CTDSPL2: variants seen among roughly 807,000 people sequenced by gnomAD.
CTDSPL2 encodes the protein CTD small phosphatase like 2, also known as CTD small phosphatase-like protein 2.
CTDSPL2 carries 5 observed loss-of-function variants against 60.0 expected under a neutral mutation model. The ratio of observed to expected loss-of-function variants is 0.08; its 90% CI spans 0.04 to 0.18. CTDSPL2 has a LOEUF of 0.18. Ranked by LOEUF, CTDSPL2 falls within the 10% of genes least tolerant of loss-of-function variation. The pLI is 1.00. For synonymous variants in CTDSPL2, 186 were observed against 189.3 expected (o/e 0.98, Z 0.14); for missense variants, 370 against 548.8 (o/e 0.67, Z 3.26).
chr15:44,455,839 ATTTTTTTTTT>A (rs35307134), intron 1 of CTDSPL2, among the ~76,000 whole-genome samples: 13 of 47,530 alleles, frequency 2.7e-4, no homozygotes, highest in East Asian at 7.0e-4. Flanking sequence ...TTTATTGAGG[ATTTTTTTTTT>A]TTTTTTTTTT....
chr15:44,451,375 C>G (rs1595709860), intron 1 of CTDSPL2, among the ~76,000 whole-genome samples: 1 of 151,944 alleles, frequency 6.6e-6, no homozygotes. Flanking sequence ...CTCCCAAAGC[C>G]CTGGGATTAC....
chr15:44,514,517 G>T (rs1362052565), intron 8 of CTDSPL2, 81 bp from the exon 9 acceptor site: 1 of 842,022 alleles, frequency 1.2e-6, no homozygotes, highest in Non-Finnish European at 2.0e-6. Flanking sequence ...TATAATCAAA[G>T]TTAGAATACA....
intron 2 of CTDSPL2, among the ~76,000 whole-genome samples, chr15:44,472,620 C>T (rs1277619313): frequency 6.6e-6 from 1 of 151,490 alleles, no homozygotes; most frequent in Non-Finnish European, 1.5e-5. Flanking sequence ...ACCTCAGCCT[C>T]CTGAGGAGCT....
intron 1 of CTDSPL2, chr15:44,448,679 A>G (rs150587731): frequency 7.1e-5 from 23 of 323,088 alleles, no homozygotes; most frequent in Non-Finnish European, 1.3e-4. Context: ...CCTCCATTCT[A>G]ATTTCTGCAG....
chr15:44,487,142 C>T (rs534668602), intron 4 of CTDSPL2, among the ~76,000 whole-genome samples: 1 of 151,754 alleles, frequency 6.6e-6, no homozygotes, highest in Admixed American at 6.6e-5. Context: ...GTATGTTTTC[C>T]ACCTCATTAA....
In CTDSPL2 at chr15:44,528,307, T is replaced by C. The variant is rs2081902509; in HGVS notation, c.*4133T>C. 6.6e-6 allele frequency: 1 copy of C among 151,902 alleles called. No homozygotes were observed. The highest frequency in any genetic ancestry group is 6.6e-5 in the Admixed American group (1 of 15,228). The allele number at this position is 151,902 out of a possible 1,614,324, so 9.4% of individuals were successfully genotyped here. On this transcript the variant is annotated 3_prime_UTR_variant, in exon 13 of 13. Transcript: ENST00000260327. ...GCCTACCCCTGGAAAATTGTCTCGC[T>C]GGATCTCGAGAGGGGCCTGAGAGTT...
rs2081896336 is a variant in CTDSPL2 at position 44,527,656 on chromosome 15, A to G, written c.*3482A>G. On this transcript the variant is annotated 3_prime_UTR_variant, in exon 13 of 13. Transcript: ENST00000260327. The stretch of plus-strand genomic sequence containing the variant: ...CTGACTTCTCTTTGTCTTCCTAGGT[A>G]TTTATTTGTTATCTTTTAATCTTGT... 6.6e-6 allele frequency: 1 copy of G among 151,566 alleles called. No homozygotes were observed. The highest frequency in any genetic ancestry group is 1.5e-5 in the Non-Finnish European group (1 of 67,570). The allele number at this position is 151,566 out of a possible 1,614,324, so 9.4% of individuals were successfully genotyped here.
At position 44,499,735 on chromosome 15, in the gene CTDSPL2, A is replaced by T. The variant is rs148750678; in HGVS notation, c.891A>T (p.Thr297=). ...EFSLVLDLDE[T]LVHCSLNELE... ...CTGTTTTTTATTTTAAGGATGAAAC[A>T]CTAGTGCATTGTAGTCTAAATGAGC... Residue 297 remains threonine, a synonymous_variant, in exon 8 of 13, where the codon ACA becomes ACT. Transcript: ENST00000260327. 6 of 1,578,598 alleles carry T rather than the reference A, an allele frequency of 3.8e-6. No individual in the cohort carries two copies. In the African/African-American group the frequency reaches 8.1e-5, roughly 21 times the overall value.
At chr15:44,465,567 T>C (rs2080668737) in intron 2 of CTDSPL2, among the ~76,000 whole-genome samples, 1 of 152,166 alleles carries the variant, frequency 6.6e-6, no homozygotes, top group South Asian at 2.1e-4. Context: ...TAAAGGTGAT[T>C]GTATTAATTT....
intron 10 of CTDSPL2, among the ~76,000 whole-genome samples, chr15:44,515,932 T>C (rs2081644848): frequency 6.6e-6 from 1 of 150,786 alleles, no homozygotes; most frequent in Non-Finnish European, 1.5e-5. Flanking sequence ...TTTCTCTCTC[T>C]CTTTCTTTCT....
chr15:44,489,502 G>T (rs1270205529), intron 4 of CTDSPL2, among the ~76,000 whole-genome samples: 2 of 152,156 alleles, frequency 1.3e-5, no homozygotes, highest in African/African-American at 4.8e-5. Context: ...TAATTTGAGG[G>T]TTAGGAGGTT....
chr15:44,504,620 C>G (rs550132801), intron 8 of CTDSPL2, among the ~76,000 whole-genome samples: 1 of 151,994 alleles, frequency 6.6e-6, no homozygotes, highest in African/African-American at 2.4e-5. Flanking sequence ...CTTGTAATCC[C>G]TGCACTGGGA....
rs2080581326 is a variant in CTDSPL2 at position 44,461,996 on chromosome 15, GC to G, written c.186+2797del. On this transcript the variant is annotated intron_variant, in intron 2 of 12. Transcript: ENST00000260327. Reference sequence around the variant, plus strand: ...TCATTCCCATTGCCCAGGCTAGAGTGCAGTTGTGCAGTCACAGCTCACTGCA... The same window carrying G: ...TCATTCCCATTGCCCAGGCTAGAGTGAGTTGTGCAGTCACAGCTCACTGCA... Among the ~76,000 whole-genome samples the G allele has an allele frequency of 2.0e-5, 3 of 152,288 alleles. No homozygotes were observed. In the South Asian group the frequency reaches 6.2e-4, roughly 32 times the overall value.
intron 1 of CTDSPL2, among the ~76,000 whole-genome samples, chr15:44,458,500 G>A (rs1188965530): frequency 6.6e-6 from 1 of 152,150 alleles, no homozygotes; most frequent in East Asian, 1.9e-4. Context: ...TTAGAATTGT[G>A]CTCATGGAAT....
chr15:44,449,616 C>T (rs986816252), intron 1 of CTDSPL2, among the ~76,000 whole-genome samples: 1 of 152,098 alleles, frequency 6.6e-6, no homozygotes, highest in Non-Finnish European at 1.5e-5. Flanking sequence ...GAGGTGTGAG[C>T]CACCACGCCT....
chr15:44,443,910 A>G (rs1350917771), intron 1 of CTDSPL2, among the ~76,000 whole-genome samples: 3 of 152,146 alleles, frequency 2.0e-5, no homozygotes, highest in Admixed American at 6.5e-5. Flanking sequence ...ATTAAAAACA[A>G]AATTTTTTAA....
intron 2 of CTDSPL2, among the ~76,000 whole-genome samples, chr15:44,475,493 G>T (rs2080897367): frequency 1.3e-5 from 2 of 151,942 alleles, no homozygotes; most frequent in South Asian, 4.2e-4. Context: ...ACAAAAATTA[G>T]CTGGGTGTGG....
At chr15:44,428,202 C>T (rs940517964) in intron 1 of CTDSPL2, 2 of 152,324 alleles carry the variant, frequency 1.3e-5, no homozygotes, top group African/African-American at 4.8e-5. Context: ...TTGCTCTTAT[C>T]TCAGTTCTTA....
At chr15:44,460,078 C>T (rs944541344) in intron 2 of CTDSPL2, among the ~76,000 whole-genome samples, 1 of 152,038 alleles carries the variant, frequency 6.6e-6, no homozygotes, top group African/African-American at 2.4e-5. Context: ...GATGGTACAA[C>T]AGGTAGAAAA....
Sources: gnomAD v4.1 joint callset for allele counts (sites outside exome capture counted in the v4.1 genomes callset) on GRCh38, gnomAD v4.1.1 for gene constraint, MANE v1.5 for transcripts, NCBI Gene and HGNC (gene_info 2026-07-23, HGNC 2026-07-21) for gene names.